The following DEPDC5 variants were observed in gnomAD, a reference collection of about 807,000 sequenced individuals.
The protein encoded by DEPDC5 is GATOR1 complex protein DEPDC5.
In DEPDC5, 73 loss-of-function variants were observed where a neutral mutation model predicts 217.3. The observed-to-expected ratio is 0.34, with a 90% confidence interval of 0.28 to 0.41. DEPDC5 has a LOEUF of 0.41. DEPDC5 is among the 10% of genes least tolerant of loss of function. The pLI, the probability that DEPDC5 is intolerant of heterozygous loss-of-function variation, is 1.00. For synonymous variants in DEPDC5, 733 were observed against 756.7 expected (o/e 0.97, Z 0.51); for missense variants, 1,675 against 2,070.1 (o/e 0.81, Z 3.70).
chr22:31,888,763 C>T (rs555505512), intron 38 of DEPDC5, among the ~76,000 whole-genome samples: 2 of 152,150 alleles, frequency 1.3e-5, no homozygotes, highest in African/African-American at 4.8e-5. Context: ...CCAGGCTGGT[C>T]TTGAACTCCT....
At position 31,837,203 on chromosome 22, in the gene DEPDC5, G is replaced by A. The variant is rs199622220; in HGVS notation, c.2354+48G>A. 6.2e-4 allele frequency: 993 copies of A among 1,598,092 alleles called. 1 individual carries two copies. In the Middle Eastern group the frequency reaches 7.3e-3, roughly 12 times the overall value. ...CTTGGCTTGGTTGGTGAGGGTTTCG[G>A]ATATATCCCACACATGCATCAGAAC... On this transcript the variant is annotated intron_variant, in intron 26 of 42. Coordinates refer to ENST00000651528, the MANE Select transcript of DEPDC5 (RefSeq NM_001242896.3).
intron 38 of DEPDC5, among the ~76,000 whole-genome samples, chr22:31,881,027 A>G (rs1401956100): frequency 1.3e-5 from 2 of 149,256 alleles, no homozygotes; most frequent in African/African-American, 4.9e-5. Flanking sequence ...AAAAAAAAAA[A>G]AGGGCCAAAC....
chr22:31,771,719 A>T (rs960424584), intron 7 of DEPDC5, among the ~76,000 whole-genome samples: 21 of 22,766 alleles, frequency 9.2e-4, no homozygotes, highest in South Asian at 3.0e-3. Context: ...ACTCCGTCAC[A>T]CACACACACA....
chr22:31,892,938 C>G (rs986089296), intron 38 of DEPDC5, among the ~76,000 whole-genome samples: 8 of 146,226 alleles, frequency 5.5e-5, no homozygotes, highest in African/African-American at 2.0e-4. Flanking sequence ...TGCAATGGCG[C>G]GATCTCGGCT....
At position 31,897,539 on chromosome 22, in the gene DEPDC5, G is replaced by A. The variant is rs2093575133; in HGVS notation, c.4261G>A (p.Glu1421Lys). The A allele has an allele frequency of 1.2e-6, 2 of 1,613,960 alleles. No homozygotes were observed. The highest frequency in any genetic ancestry group is 1.3e-5 in the African/African-American group (1 of 74,914). ...SCGFLLVPVLEGPFALPSYLY... is the reference protein window; with the variant it reads ...SCGFLLVPVLKGPFALPSYLY... ...TGGCTTCTTGTTAGTCCCAGTTTTGGAGGGGCCTTTTGCACTGCCCAGTTA... is the reference window on the plus strand; with the variant it reads ...TGGCTTCTTGTTAGTCCCAGTTTTGAAGGGGCCTTTTGCACTGCCCAGTTA... The change falls in exon 40 of 43, where the codon GAG becomes AAG. Residue 1421 changes from glutamate to lysine, a missense_variant. Glu to Lys is a moderately conservative substitution (Grantham distance 56). Around this residue, in one of 11 missense-constraint regions of DEPDC5, gnomAD observed 182 missense variants for 290.1 expected, o/e 0.63. Transcript: ENST00000651528.
At chr22:31,866,827 A>AG (rs1292339109) in intron 33 of DEPDC5, among the ~76,000 whole-genome samples, 1 of 152,174 alleles carries the variant, frequency 6.6e-6, no homozygotes, top group Non-Finnish European at 1.5e-5. Flanking sequence ...AATACCCCAG[A>AG]GGGGAAGTGC....
intron 14 of DEPDC5, among the ~76,000 whole-genome samples, chr22:31,799,276 C>T (rs1271686581): frequency 6.6e-6 from 1 of 151,788 alleles, no homozygotes; most frequent in Non-Finnish European, 1.5e-5. Flanking sequence ...ATCTCCTGAC[C>T]TCATGATCCA....
At chr22:31,841,922 A>T (rs1027644930) in intron 27 of DEPDC5, among the ~76,000 whole-genome samples, 5 of 152,176 alleles carry the variant, frequency 3.3e-5, no homozygotes, top group Non-Finnish European at 7.4e-5. Context: ...TTCTAGATCA[A>T]AGGAATCTTG....
intron 40 of DEPDC5, among the ~76,000 whole-genome samples, chr22:31,898,637 A>G (rs1264416354): frequency 2.0e-5 from 3 of 152,198 alleles, no homozygotes; most frequent in Non-Finnish European, 4.4e-5. Context: ...CCCCAGGTGG[A>G]TTAGGCCAAG....
chr22:31,759,160 G>A (rs543875951), intron 3 of DEPDC5, among the ~76,000 whole-genome samples: 2 of 152,134 alleles, frequency 1.3e-5, no homozygotes, highest in East Asian at 3.9e-4. Context: ...TTGAACTCCT[G>A]ACCTCAGGTA....
chr22:31,755,781 A>G (rs905536852), intron 2 of DEPDC5, among the ~76,000 whole-genome samples: 3 of 152,048 alleles, frequency 2.0e-5, no homozygotes, highest in African/African-American at 7.2e-5. Flanking sequence ...TTCTTTTGTA[A>G]GGGAATAATT....
intron 2 of DEPDC5, chr22:31,755,304 C>G (rs963227961): frequency 2.8e-6 from 1 of 362,338 alleles, no homozygotes; most frequent in African/African-American, 2.1e-5. Context: ...AAACTAAAAT[C>G]GTTTATCAGT....
At chr22:31,847,283 C>T (rs961462157) in intron 31 of DEPDC5, among the ~76,000 whole-genome samples, 1 of 151,742 alleles carries the variant, frequency 6.6e-6, no homozygotes, top group African/African-American at 2.4e-5. Context: ...TTTGGAAGGC[C>T]AAGGTGGGCA....
intron 24 of DEPDC5, among the ~76,000 whole-genome samples, chr22:31,824,496 C>G (rs144694001): frequency 6.6e-6 from 1 of 152,246 alleles, no homozygotes. Flanking sequence ...GTAAGAGAAT[C>G]CCTAAATGGT....
At chr22:31,764,380 T>G (rs2082641274) in intron 4 of DEPDC5, among the ~76,000 whole-genome samples, 1 of 152,112 alleles carries the variant, frequency 6.6e-6, no homozygotes, top group Non-Finnish European at 1.5e-5. Flanking sequence ...TTCTGGAGTT[T>G]TACAGGTCTT....
At chr22:31,815,382 CTT>C in intron 21 of DEPDC5, 170 bp downstream of exon 21, 1 of 663,162 alleles carries the variant, frequency 1.5e-6, no homozygotes, top group African/African-American at 2.0e-5. Context: ...ATATATTATA[CTT>C]CTTTTTTTTT....
chr22:31,883,343 A>G (rs938129087), intron 38 of DEPDC5, among the ~76,000 whole-genome samples: 1 of 152,154 alleles, frequency 6.6e-6, no homozygotes, highest in Non-Finnish European at 1.5e-5. Context: ...TGCTTTCAGA[A>G]CTTTGGGGTA....
intron 5 of DEPDC5, among the ~76,000 whole-genome samples, chr22:31,765,294 C>T (rs1395054163): frequency 6.6e-6 from 1 of 151,962 alleles, no homozygotes; most frequent in Non-Finnish European, 1.5e-5. Flanking sequence ...TTAAAACTTT[C>T]CTTTTTCTTT....
chr22:31,780,596 G>A (rs2084329721), intron 8 of DEPDC5, among the ~76,000 whole-genome samples: 1 of 151,970 alleles, frequency 6.6e-6, no homozygotes, highest in African/African-American at 2.4e-5. Context: ...TGTATCCTAG[G>A]GTGCCTAGAC....
Sources: gnomAD v4.1 joint callset for allele counts (sites outside exome capture counted in the v4.1 genomes callset) on GRCh38, gnomAD v4.1.1 for gene constraint, gnomAD v4.1.1 regional missense constraint, MANE v1.5 for transcripts, NCBI Gene and HGNC (gene_info 2026-07-23, HGNC 2026-07-21) for gene names.